Variants in ALDH1L2 observed in about 807,000 individuals in gnomAD.
ALDH1L2 encodes the protein aldehyde dehydrogenase 1 family member L2, also known as mitochondrial 10-formyltetrahydrofolate dehydrogenase.
Under a neutral mutation model 111.0 loss-of-function variants are expected in ALDH1L2, and 91 were observed. The ratio of observed to expected loss-of-function variants is 0.82; its 90% CI spans 0.69 to 0.98. The LOEUF (loss-of-function observed/expected upper bound fraction) is 0.98. Ranked by LOEUF, ALDH1L2 falls within the 50% of genes least tolerant of loss-of-function variation. The probability of loss-of-function intolerance (pLI) is 0.00; values close to 1 mark genes in which losing one functional copy is unlikely to be tolerated. For missense variants in ALDH1L2, 995 were observed against 1,126.8 expected (o/e 0.88, Z 1.67); for synonymous variants, 374 against 392.6 (o/e 0.95, Z 0.56).
chr12:105,076,788 C>T (rs1432878946), intron 1 of ALDH1L2, among the ~76,000 whole-genome samples: 1 of 152,110 alleles, frequency 6.6e-6, no homozygotes, highest in Non-Finnish European at 1.5e-5. Flanking sequence ...TAGATATTTC[C>T]TATTGGAAAT....
At chr12:105,055,588 T>C (rs1022100541) in intron 10 of ALDH1L2, among the ~76,000 whole-genome samples, 1 of 151,948 alleles carries the variant, frequency 6.6e-6, no homozygotes, top group African/African-American at 2.4e-5. Context: ...ATAGAAACCA[T>C]CCCTAGAGAA....
At chr12:105,061,540 C>T in intron 8 of ALDH1L2, 87 bp downstream of exon 8, 2 of 1,544,420 alleles carry the variant, frequency 1.3e-6, no homozygotes, top group Non-Finnish European at 1.8e-6. Flanking sequence ...AGTTCTGATC[C>T]CACTACTTTG....
At chr12:105,079,093 A>T (rs1386534767) in intron 1 of ALDH1L2, among the ~76,000 whole-genome samples, 1 of 152,200 alleles carries the variant, frequency 6.6e-6, no homozygotes, top group Admixed American at 6.5e-5. Flanking sequence ...CTGCTTAGGT[A>T]ACTCTGGAGG....
At chr12:105,034,712 G>A (rs552021322) in intron 18 of ALDH1L2, among the ~76,000 whole-genome samples, 22 of 152,224 alleles carry the variant, frequency 1.4e-4, no homozygotes, top group Middle Eastern at 6.8e-3. Flanking sequence ...TAGGCTGGGC[G>A]TGGTGGCTCA....
chr12:105,036,924 C>CA (rs1875188077), intron 18 of ALDH1L2, among the ~76,000 whole-genome samples: 1 of 152,068 alleles, frequency 6.6e-6, no homozygotes, highest in Non-Finnish European at 1.5e-5. Context: ...CCAGATGGTC[C>CA]ATTCAAAGGC....
chr12:105,042,435 A>G (rs1398025980), intron 15 of ALDH1L2, among the ~76,000 whole-genome samples: 1 of 152,100 alleles, frequency 6.6e-6, no homozygotes, highest in Non-Finnish European at 1.5e-5. Flanking sequence ...CGTTGCCTTT[A>G]TCCTGAGGAC....
intron 4 of ALDH1L2, among the ~76,000 whole-genome samples, chr12:105,067,629 C>T (rs1035915988): frequency 1.3e-5 from 2 of 152,132 alleles, no homozygotes; most frequent in African/African-American, 4.8e-5. Context: ...GAGTCGAGAG[C>T]CTCCCATTTT....
At chr12:105,062,474 T>G (rs1052446466) in intron 7 of ALDH1L2, among the ~76,000 whole-genome samples, 24 of 152,090 alleles carry the variant, frequency 1.6e-4, no homozygotes, top group African/African-American at 5.6e-4. Context: ...CATAGGCAGT[T>G]TAGGTGGTGC....
intron 2 of ALDH1L2, chr12:105,072,471 T>G (rs1565973187): frequency 6.6e-6 from 1 of 152,036 alleles, no homozygotes; most frequent in Non-Finnish European, 1.5e-5. Flanking sequence ...CCCTGATCAA[T>G]CCGTTTGGAA....
intron 20 of ALDH1L2, among the ~76,000 whole-genome samples, chr12:105,031,377 T>C (rs1246646806): frequency 6.6e-6 from 1 of 152,236 alleles, no homozygotes; most frequent in Non-Finnish European, 1.5e-5. Flanking sequence ...TAGATTCAGC[T>C]TAAGCTTTTT....
At chr12:105,055,627 ATTTTC>A (rs1261244980) in intron 10 of ALDH1L2, among the ~76,000 whole-genome samples, 2 of 152,226 alleles carry the variant, frequency 1.3e-5, no homozygotes, top group Admixed American at 1.3e-4. Context: ...CTAAAGAAAG[ATTTTC>A]AATAAGCTTT....
At chr12:105,042,625 A>G (rs1426876835) in intron 15 of ALDH1L2, among the ~76,000 whole-genome samples, 1 of 152,188 alleles carries the variant, frequency 6.6e-6, no homozygotes, top group Non-Finnish European at 1.5e-5. Context: ...TATGGGGACT[A>G]TGCTTCCAAA....
rs544497236 is a variant in ALDH1L2 at position 105,037,251 on chromosome 12, T to C, written c.2145+852A>G. ...ACATTTTATTTAAAATAAGCCTTTA[T>C]ACTTTGAAATAGTTTAAGGCTCACA... On this transcript the variant is annotated intron_variant, in intron 18 of 22. Transcript: ENST00000258494. 5.9e-5 allele frequency among the ~76,000 whole-genome samples: 9 copies of C among 152,362 alleles called. 1 individual carries two copies. The highest frequency in any genetic ancestry group is 2.6e-4 in the Admixed American group (4 of 15,302).
chr12:105,046,661 T>C, intron 15 of ALDH1L2, 49 bp downstream of exon 15: 2 of 1,501,994 alleles, frequency 1.3e-6, no homozygotes, highest in Non-Finnish European at 1.8e-6. Flanking sequence ...TTTGAAGTAC[T>C]GGATATAAGA....
Position 105,031,793 on chromosome 12 carries a change from C to T in ALDH1L2, c.2386G>A (p.Gly796Arg), listed in dbSNP as rs759710718. The T allele has an allele frequency of 1.2e-5, 20 of 1,614,016 alleles. No homozygotes were observed. The highest frequency in any genetic ancestry group is 4.4e-5 in the South Asian group (4 of 91,076). ...GVKEGATLVY[G>R]GRQVQRPGFF... ...CCTGGCCTTTGGACTTGTCTTCCCC[C>T]GTACACCAAAGTGGCCCCTTCTTTC... Residue 796 changes from glycine (G) to arginine (R), a missense_variant, in exon 20 of 23, where the codon GGG becomes AGG. Coordinates refer to ENST00000258494, the MANE Select transcript of ALDH1L2 (RefSeq NM_001034173.4).
intron 4 of ALDH1L2, among the ~76,000 whole-genome samples, chr12:105,066,954 C>T (rs1262932855): frequency 3.3e-5 from 5 of 152,206 alleles, no homozygotes; most frequent in South Asian, 2.1e-4. Flanking sequence ...CAAGGCCGGG[C>T]GCAGTGGCTC....
At chr12:105,072,388 T>C (rs1045853084) in intron 2 of ALDH1L2, 6 of 152,060 alleles carry the variant, frequency 3.9e-5, no homozygotes, top group African/African-American at 1.4e-4. Context: ...TAGGATGAGA[T>C]GATGCCTCCA....
intron 15 of ALDH1L2, among the ~76,000 whole-genome samples, chr12:105,046,132 C>T (rs990275265): frequency 4.7e-5 from 6 of 128,992 alleles, no homozygotes; most frequent in African/African-American, 1.8e-4. Context: ...ACATGCTTTT[C>T]CCTCATCTTC....
rs1273615493 is a variant in ALDH1L2, at chr12:105,038,258, T to A, written c.2046-56A>T. 5.8e-5 allele frequency: 41 copies of A among 707,572 alleles called. 1 individual carries two copies. Among genetic ancestry groups the A allele is most frequent in the East Asian group, 6.3e-5 (2 of 31,644 alleles). 43.8% of individuals were successfully genotyped at this position (707,572 alleles called of 1,614,324 possible). On this transcript the variant is annotated intron_variant, in intron 17 of 22. Transcript: ENST00000258494. The stretch of plus-strand genomic sequence containing the variant: ...TAGTTAACATCTCTCTCTCTCTCTC[T>A]CTCACACACACACACACACAAACAC...
Sources: gnomAD v4.1 joint callset for allele counts (sites outside exome capture counted in the v4.1 genomes callset) on GRCh38, gnomAD v4.1.1 for gene constraint, MANE v1.5 for transcripts, NCBI Gene and HGNC (gene_info 2026-07-23, HGNC 2026-07-21) for gene names.